Variants in PARN observed in about 807,000 individuals in gnomAD.
PARN encodes poly(A)-specific ribonuclease.
A neutral mutation model predicts 102.8 loss-of-function variants in PARN; 71 were observed. That is an observed-to-expected ratio of 0.69 (90% CI 0.57 to 0.84). PARN has a LOEUF of 0.84. PARN is among the 40% of genes least tolerant of loss of function. PARN has a pLI of 0.00. For synonymous variants in PARN, 261 were observed against 252.9 expected (o/e 1.03, Z -0.30); for missense variants, 782 against 760.9 (o/e 1.03, Z -0.33).
intron 21 of PARN, among the ~76,000 whole-genome samples, chr16:14,484,603 G>T (rs1404592743): frequency 6.6e-6 from 1 of 152,178 alleles, no homozygotes; most frequent in East Asian, 1.9e-4. Context: ...GAGCATGCAG[G>T]CTGTGGGCAC....
intron 12 of PARN, among the ~76,000 whole-genome samples, chr16:14,599,343 GC>G (rs1291187664): frequency 6.6e-6 from 1 of 151,932 alleles, no homozygotes; most frequent in Non-Finnish European, 1.5e-5. Context: ...ATGCCCGGCC[GC>G]CTGTTTTCAG....
At chr16:14,604,881 G>A (rs1020985269) in intron 10 of PARN, among the ~76,000 whole-genome samples, 2 of 152,080 alleles carry the variant, frequency 1.3e-5, no homozygotes, top group African/African-American at 4.8e-5. Flanking sequence ...ATCCCAAAGT[G>A]CTGGGATTAC....
rs190870967 is a variant in PARN at position 14,608,315 on chromosome 16, G to C, written c.625C>G (p.Gln209Glu). 5.9e-6 allele frequency: 9 copies of C among 1,532,700 alleles called. No individual in the cohort carries two copies. In the East Asian group the frequency reaches 2.2e-4, roughly 38 times the overall value. The allele number at this position is 1,532,700 out of a possible 1,614,324, so 94.9% of individuals were successfully genotyped here. The change falls in exon 9 of 24, where the codon CAA (glutamine) becomes GAA (glutamate). Residue 209 changes from glutamine to glutamate, a missense_variant. By Grantham distance (29) the Gln-to-Glu change is conservative. Coordinates refer to ENST00000437198, the MANE Select transcript of PARN (RefSeq NM_002582.4). ...AAAGTCTGATAAATTAGTTTTCTTT[G>C]GAACCTATAAAAACAAAAGAAAAGG... is the stretch of plus-strand genomic sequence containing the variant. ...NLDLEPCTGF[Q>E]RKLIYQTLSW...
At chr16:14,470,736 G>GAT (rs1962688871) in intron 22 of PARN, among the ~76,000 whole-genome samples, 1 of 152,088 alleles carries the variant, frequency 6.6e-6, no homozygotes, top group South Asian at 2.1e-4. Flanking sequence ...TGGGATTATA[G>GAT]GCATGAGGCA....
intron 6 of PARN, among the ~76,000 whole-genome samples, chr16:14,616,112 A>C (rs1971886273): frequency 6.6e-6 from 1 of 152,200 alleles, no homozygotes; most frequent in Non-Finnish European, 1.5e-5. Context: ...GTAAATAATT[A>C]AATTAAAATA....
chr16:14,529,031 C>T (rs1966169775), intron 21 of PARN, among the ~76,000 whole-genome samples: 2 of 152,140 alleles, frequency 1.3e-5, no homozygotes, highest in East Asian at 1.9e-4. Flanking sequence ...GAAGACTGGA[C>T]ACAGATCAAG....
chr16:14,539,516 G>A lies in PARN; in HGVS notation c.1480+12505C>T, dbSNP rs187730616. Among the ~76,000 whole-genome samples the A allele has an allele frequency of 2.6e-5, 4 of 152,304 alleles. No homozygotes were observed. The East Asian group carries it at 5.8e-4, about 22-fold the overall frequency. ...ATTTCGTAGCAGAGATACATAAGAC[G>A]GCTAATTCTCCAAATTGAACACATT... On this transcript the variant is annotated intron_variant, in intron 21 of 23. Transcript: ENST00000437198.
At chr16:14,626,412 C>T (rs908408169) in intron 5 of PARN, among the ~76,000 whole-genome samples, 2 of 152,108 alleles carry the variant, frequency 1.3e-5, no homozygotes, top group Admixed American at 6.5e-5. Context: ...GCCTCCAAAA[C>T]TGCTAGGATT....
At chr16:14,527,986 G>C (rs1163553654) in intron 21 of PARN, among the ~76,000 whole-genome samples, 1 of 152,088 alleles carries the variant, frequency 6.6e-6, no homozygotes, top group African/African-American at 2.4e-5. Context: ...CATATCCCTG[G>C]GGATGACCAC....
intron 21 of PARN, among the ~76,000 whole-genome samples, chr16:14,502,850 G>T (rs531624951): frequency 1.2e-4 from 19 of 152,242 alleles, no homozygotes. Flanking sequence ...ACAGCCCTGG[G>T]CTTGCAATTA....
At chr16:14,473,554 CAA>C (rs959909738) in intron 22 of PARN, among the ~76,000 whole-genome samples, 1 of 152,104 alleles carries the variant, frequency 6.6e-6, no homozygotes, top group African/African-American at 2.4e-5. Context: ...CTAGAGCAAA[CAA>C]GAGCTAAACA....
chr16:14,521,361 C>T (rs1381579081), intron 21 of PARN, among the ~76,000 whole-genome samples: 1 of 152,210 alleles, frequency 6.6e-6, no homozygotes, highest in African/African-American at 2.4e-5. Context: ...TGCGTCACCC[C>T]ATCCTCCAGC....
chr16:14,624,442 T>C (rs1031289189), intron 5 of PARN, among the ~76,000 whole-genome samples: 2 of 152,250 alleles, frequency 1.3e-5, no homozygotes, highest in Non-Finnish European at 2.9e-5. Context: ...TTCATCTGTT[T>C]TAGACATTAC....
At chr16:14,549,618 T>G (rs570670245) in intron 21 of PARN, among the ~76,000 whole-genome samples, 1 of 152,226 alleles carries the variant, frequency 6.6e-6, no homozygotes, top group Non-Finnish European at 1.5e-5. Context: ...ACAGGAATTT[T>G]AAAAGAAACT....
At chr16:14,447,104 A>C in intron 22 of PARN, 23 bp from the exon 23 acceptor site, 1 of 1,568,130 alleles carries the variant, frequency 6.4e-7, no homozygotes, top group Non-Finnish European at 8.7e-7. Context: ...AAGTGGAACA[A>C]CATAAAAGGT....
intron 22 of PARN, among the ~76,000 whole-genome samples, chr16:14,451,979 G>A (rs1163328506): frequency 6.7e-6 from 1 of 150,210 alleles, no homozygotes; most frequent in African/African-American, 2.5e-5. Context: ...TTGAGTCTGG[G>A]AGTTTGAGGT....
In PARN at chr16:14,610,698, G is replaced by A; in HGVS notation, c.500C>T (p.Ser167Leu). 6.2e-7 allele frequency: 1 copy of A among 1,610,128 alleles called. No homozygotes were observed. The highest frequency in any genetic ancestry group is 8.5e-7 in the Non-Finnish European group (1 of 1,176,402). ...GALSYVSPNT[S>L]KCPVTIPEDQ... ...CTCAGGAATCGTGACAGGACATTTT[G>A]AAGTGTTAGGAGATACATAGGACAG... The change falls in exon 7 of 24, where the codon TCA becomes TTA. Residue 167 changes from serine to leucine, a missense_variant. Coordinates refer to ENST00000437198, the MANE Select transcript of PARN (RefSeq NM_002582.4).
At chr16:14,544,631 G>A (rs1242598926) in intron 21 of PARN, among the ~76,000 whole-genome samples, 3 of 152,060 alleles carry the variant, frequency 2.0e-5, no homozygotes, top group Non-Finnish European at 2.9e-5. Context: ...ACATAAGGAG[G>A]ATGAAGTGAT....
intron 21 of PARN, among the ~76,000 whole-genome samples, chr16:14,507,326 C>CAAAAAAAAAA (rs1436799416): frequency 7.5e-6 from 1 of 133,244 alleles, no homozygotes; most frequent in Non-Finnish European, 1.6e-5. Context: ...AATTCGGTCT[C>CAAAAAAAAAA]AAAAAAAAAA....
Sources: gnomAD v4.1 joint callset for allele counts (sites outside exome capture counted in the v4.1 genomes callset) on GRCh38, gnomAD v4.1.1 for gene constraint, MANE v1.5 for transcripts, NCBI Gene and HGNC (gene_info 2026-07-23, HGNC 2026-07-21) for gene names.